Variants in SV2C observed in about 807,000 individuals in gnomAD.
SV2C encodes synaptic vesicle glycoprotein 2C.
In SV2C, 49 loss-of-function variants were observed where a neutral mutation model predicts 79.7. The observed-to-expected ratio is 0.61, with a 90% CI of 0.49 to 0.78. The LOEUF is 0.78. SV2C is among the 30% of genes least tolerant of loss of function. The probability of loss-of-function intolerance (pLI) is 0.00; values close to 1 mark genes in which losing one functional copy is unlikely to be tolerated. For synonymous variants in SV2C, 334 were observed against 333.2 expected (o/e 1.00, Z -0.03); for missense variants, 833 against 912.9 (o/e 0.91, Z 1.13).
At chr5:75,969,588 A>G in the SV2C span, among the ~76,000 whole-genome samples, 553 of 152,328 alleles carry the variant, frequency 3.6e-3, 3 homozygotes, top group East Asian at 0.042. Context: ...GCCATTACAT[A>G]ATGGTAAAGG....
chr5:76,331,662 T>A lies in SV2C; in HGVS notation c.*6115T>A, dbSNP rs1749190549. 6.6e-6 allele frequency: 1 copy of A among 152,328 alleles called. No individual in the cohort carries two copies. The highest frequency in any genetic ancestry group is 6.5e-5 in the Admixed American group (1 of 15,282). The allele number at this position is 152,328 out of a possible 1,614,324, so 9.4% of individuals were successfully genotyped here. The stretch of plus-strand genomic sequence containing the variant: ...GGGCAGTGCCCACTCATTTCCTTTA[T>A]TTCCCTTTTGTTTTTTTTCTTTTCC... On this transcript the variant is annotated 3_prime_UTR_variant, in exon 13 of 13. Coordinates refer to ENST00000502798, the MANE Select transcript of SV2C (RefSeq NM_014979.4).
chr5:76,107,379 G>T (rs9293666), intron 1 of SV2C, among the ~76,000 whole-genome samples: 2 of 151,994 alleles, frequency 1.3e-5, no homozygotes, highest in Admixed American at 6.6e-5. Flanking sequence ...TACCTCACAC[G>T]GTTTAGGAAA....
intron 12 of SV2C, among the ~76,000 whole-genome samples, chr5:76,309,426 C>T (rs924351973): frequency 6.6e-6 from 1 of 151,740 alleles, no homozygotes; most frequent in Non-Finnish European, 1.5e-5. Context: ...AGGTGAAACC[C>T]CGTCTCTACT....
the SV2C span, among the ~76,000 whole-genome samples, chr5:75,943,560 A>G: frequency 1.3e-5 from 2 of 152,264 alleles, no homozygotes; most frequent in South Asian, 4.1e-4. Context: ...ATGAGCTCCC[A>G]AATCACAAAG....
At chr5:76,087,440 G>A (rs1747235374) in intron 1 of SV2C, among the ~76,000 whole-genome samples, 1 of 152,186 alleles carries the variant, frequency 6.6e-6, no homozygotes, top group African/African-American at 2.4e-5. Flanking sequence ...TTTATGACAA[G>A]TGAAACCAAG....
At chr5:76,174,311 G>A (rs1420303946) in intron 2 of SV2C, 19 of 855,842 alleles carry the variant, frequency 2.2e-5, no homozygotes, top group African/African-American at 5.1e-5. Flanking sequence ...TGCCGCTGCC[G>A]CGCCGCTCCG....
At chr5:76,261,218 G>A (rs542976359) in intron 4 of SV2C, among the ~76,000 whole-genome samples, 47 of 151,958 alleles carry the variant, frequency 3.1e-4, no homozygotes, top group African/African-American at 1.1e-3. Context: ...TGAATGGGAG[G>A]TCACTCATGA....
At chr5:76,122,482 A>G (rs1414798863) in intron 1 of SV2C, among the ~76,000 whole-genome samples, 1 of 152,128 alleles carries the variant, frequency 6.6e-6, no homozygotes, top group Non-Finnish European at 1.5e-5. Context: ...GGTTTTGCCC[A>G]TTCAGTATGA....
At chr5:76,284,488 G>A (rs1309621424) in intron 4 of SV2C, among the ~76,000 whole-genome samples, 1 of 152,070 alleles carries the variant, frequency 6.6e-6, no homozygotes, top group African/African-American at 2.4e-5. Context: ...ATGAAGATGT[G>A]GGAACCATTC....
At chr5:75,850,983 T>C in the SV2C span, among the ~76,000 whole-genome samples, 1 of 152,210 alleles carries the variant, frequency 6.6e-6, no homozygotes, top group Admixed American at 6.5e-5. Context: ...GGCAGACTCA[T>C]AGCTTATCTG....
chr5:76,292,682 T>C (rs75811947), intron 8 of SV2C, among the ~76,000 whole-genome samples: 3,928 of 152,320 alleles, frequency 0.026, 81 homozygotes, highest in Middle Eastern at 0.085. Context: ...GTTTATGTCT[T>C]GTTCACTGAT....
chr5:76,350,577 C>T (rs1749625426), intron 12 of SV2C, among the ~76,000 whole-genome samples: 1 of 152,178 alleles, frequency 6.6e-6, no homozygotes, highest in East Asian at 1.9e-4. Flanking sequence ...TTTATTCAGT[C>T]ACTAAAAATA....
At chr5:76,246,018 G>A (rs1003217114) in intron 4 of SV2C, among the ~76,000 whole-genome samples, 3 of 151,424 alleles carry the variant, frequency 2.0e-5, no homozygotes, top group Non-Finnish European at 4.4e-5. Flanking sequence ...AGAGATTATG[G>A]TTGGGGGATT....
chr5:76,182,817 G>A (rs113798972), intron 2 of SV2C, among the ~76,000 whole-genome samples: 2,482 of 152,186 alleles, frequency 0.016, 56 homozygotes, highest in African/African-American at 0.052. Flanking sequence ...AGGAAGCAGA[G>A]CGGCATCTGT....
At chr5:75,905,277 A>G in the SV2C span, among the ~76,000 whole-genome samples, 1 of 152,198 alleles carries the variant, frequency 6.6e-6, no homozygotes, top group East Asian at 1.9e-4. Context: ...TCACATGAGA[A>G]CAAAGACCCT....
At chr5:76,184,249 C>T (rs1431832052) in intron 2 of SV2C, among the ~76,000 whole-genome samples, 2 of 152,172 alleles carry the variant, frequency 1.3e-5, no homozygotes, top group African/African-American at 4.8e-5. Context: ...AACCTTGCTG[C>T]ACTAGGCTGT....
chr5:75,923,269 G>A, the SV2C span, among the ~76,000 whole-genome samples: 11 of 152,176 alleles, frequency 7.2e-5, no homozygotes, highest in East Asian at 1.9e-4. Flanking sequence ...AAATCAACTC[G>A]AGAAGGATCA....
At chr5:75,887,810 A>G in the SV2C span, among the ~76,000 whole-genome samples, 1 of 152,188 alleles carries the variant, frequency 6.6e-6, no homozygotes, top group Admixed American at 6.6e-5. Context: ...AGAATAAGCT[A>G]TCTTTTAAAA....
intron 3 of SV2C, among the ~76,000 whole-genome samples, chr5:76,207,401 G>T (rs1416832439): frequency 6.6e-6 from 1 of 152,112 alleles, no homozygotes; most frequent in African/African-American, 2.4e-5. Context: ...CAGAGAAACG[G>T]ATTCTTCACA....
Sources: allele counts gnomAD v4.1 joint callset (sites outside exome capture counted in the v4.1 genomes callset), GRCh38; gene constraint gnomAD v4.1.1; transcripts MANE v1.5; gene names NCBI Gene and HGNC (gene_info 2026-07-23, HGNC 2026-07-21).